NPIPB2: variants seen among roughly 807,000 people sequenced by gnomAD.
The protein encoded by NPIPB2 is nuclear pore complex interacting protein family member B2.
NPIPB2 carries 27 observed loss-of-function variants against 30.8 expected under a neutral mutation model. The ratio of observed to expected loss-of-function variants is 0.88; its 90% CI spans 0.65 to 1.21. NPIPB2 has a LOEUF of 1.21. Ranked by LOEUF, NPIPB2 falls within the 50% of genes most tolerant of loss-of-function variation. The pLI is 0.00. For missense variants in NPIPB2, 440 were observed against 446.2 expected (o/e 0.99, Z 0.13); for synonymous variants, 147 against 162.0 (o/e 0.91, Z 0.70).
intron 1 of NPIPB2, among the ~76,000 whole-genome samples, chr16:11,939,194 G>A (rs2054905961): frequency 2.0e-5 from 1 of 48,904 alleles, no homozygotes; most frequent in Non-Finnish European, 5.2e-5. Context: ...TTAAATCTCA[G>A]CATAAGTAAA....
exon 8 of NPIPB2, chr16:11,927,424 G>A: frequency 8.7e-7 from 1 of 1,151,446 alleles, no homozygotes; most frequent in Non-Finnish European, 1.3e-6. Flanking sequence ...TCCGCCTCTT[G>A]GGCTCGGGTG....
intron 1 of NPIPB2, among the ~76,000 whole-genome samples, chr16:11,950,004 A>G (rs1266852837): frequency 1.3e-5 from 2 of 152,084 alleles, no homozygotes; most frequent in Non-Finnish European, 2.9e-5. Context: ...GCAACCACAT[A>G]AGCCTTGAAT....
intron 1 of NPIPB2, among the ~76,000 whole-genome samples, chr16:11,948,334 T>C (rs577721931): frequency 1.3e-5 from 2 of 152,258 alleles, no homozygotes; most frequent in South Asian, 2.1e-4. Context: ...AAAGAGACAA[T>C]TGGTCATTGT....
At chr16:11,947,211 C>A (rs887028620) in intron 1 of NPIPB2, among the ~76,000 whole-genome samples, 1 of 147,768 alleles carries the variant, frequency 6.8e-6, no homozygotes, top group Non-Finnish European at 1.5e-5. Context: ...GCCTCAGCCT[C>A]CCAAACTGCT....
At chr16:11,937,661 T>C (rs1315518612) in exon 2 of NPIPB2, 5 of 1,598,802 alleles carry the variant, frequency 3.1e-6, no homozygotes, top group East Asian at 4.5e-5. Context: ...AGCCAGAGTA[T>C]TGATAACCTG....
intron 1 of NPIPB2, among the ~76,000 whole-genome samples, chr16:11,956,721 G>A (rs921753711): frequency 2.6e-5 from 4 of 152,170 alleles, no homozygotes; most frequent in Admixed American, 2.0e-4. Context: ...GAATGCCCAG[G>A]AGGAACACTG....
intron 1 of NPIPB2, chr16:11,967,754 C>A (rs1194599430): frequency 2.5e-6 from 4 of 1,614,096 alleles, no homozygotes; most frequent in Middle Eastern, 1.6e-4. Flanking sequence ...AAGGCGCAAC[C>A]ATTCTTGTCA....
chr16:11,949,957 T>C (rs2150926342), intron 1 of NPIPB2, among the ~76,000 whole-genome samples: 1 of 152,348 alleles, frequency 6.6e-6, no homozygotes, highest in South Asian at 2.1e-4. Context: ...AACAGGAATA[T>C]CTGGTTCTCA....
At chr16:11,937,816 AG>A in intron 1 of NPIPB2, 148 bp from the exon 2 acceptor site, 1 of 1,441,682 alleles carries the variant, frequency 6.9e-7, no homozygotes, top group Non-Finnish European at 9.2e-7. Flanking sequence ...GTTACAAAAA[AG>A]AACAGAAGTT....
At chr16:11,944,733 CAAAAAAAA>C (rs56283093), upstream of NPIPB2, among the ~76,000 whole-genome samples, 7 of 46,126 alleles carry the variant, frequency 1.5e-4, no homozygotes, top group African/African-American at 7.3e-4. Context: ...GACTCCGTGT[CAAAAAAAA>C]AAAAAAAAAA....
chr16:11,951,926 G>A lies in NPIPB2; in HGVS notation c.-583-9812C>T, dbSNP rs1323443601. On this transcript the variant is annotated intron_variant, in intron 1 of 5. Coordinates refer to the NPIPB2 transcript ENST00000538896. ...TGTAATCCCAGCACTTTGGGAGGCC[G>A]AGGCGGGCGGACCACAAGGTCAGGA... 5.1e-4 allele frequency among the ~76,000 whole-genome samples: 78 copies of A among 152,182 alleles called. 1 individual carries two copies. Among genetic ancestry groups the A allele is most frequent in the Non-Finnish European group, 2.9e-5 (2 of 67,982 alleles).
upstream of NPIPB2, among the ~76,000 whole-genome samples, chr16:11,943,815 G>A (rs2054970701): frequency 6.6e-6 from 1 of 150,780 alleles, no homozygotes. Flanking sequence ...TGGCTAACAT[G>A]GTGAAACCCC....
intron 1 of NPIPB2, chr16:11,968,809 G>T (rs946980506): frequency 6.6e-6 from 1 of 151,434 alleles, no homozygotes; most frequent in African/African-American, 2.4e-5. Context: ...ACCTCTAAAC[G>T]CTTGACTTAC....
At chr16:11,960,727 T>G (rs1345440974) in intron 1 of NPIPB2, among the ~76,000 whole-genome samples, 2 of 152,078 alleles carry the variant, frequency 1.3e-5, no homozygotes, top group Non-Finnish European at 2.9e-5. Flanking sequence ...CTGGCTTGCA[T>G]CAGGGACACA....
At position 11,934,726 on chromosome 16, in the gene NPIPB2, A is replaced by G. The variant is rs1360744384; in HGVS notation, c.193-802T>C. Among the ~76,000 whole-genome samples the G allele has an allele frequency of 5.4e-5, 8 of 147,158 alleles. No homozygotes were observed. The East Asian group carries it at 6.1e-4, about 11-fold the overall frequency. Reference sequence around the variant, plus strand: ...ATACAAAAATTAGCTGAGCATGGTGATGCACGCCTGTAGCCCCAGCTACTT... The same window carrying G: ...ATACAAAAATTAGCTGAGCATGGTGGTGCACGCCTGTAGCCCCAGCTACTT... On this transcript the variant is annotated intron_variant, in intron 2 of 7. Transcript: ENST00000399147.
At chr16:11,966,120 A>G in intron 1 of NPIPB2, 1 of 1,426,102 alleles carries the variant, frequency 7.0e-7, no homozygotes, top group Non-Finnish European at 9.5e-7. Context: ...CAAAATAAAT[A>G]AATAAATAAT....
At chr16:11,958,439 A>G (rs2055131599) in intron 1 of NPIPB2, among the ~76,000 whole-genome samples, 1 of 151,912 alleles carries the variant, frequency 6.6e-6, no homozygotes, top group African/African-American at 2.4e-5. Flanking sequence ...AAAAAAAAAA[A>G]AAATCCTAGG....
chr16:11,941,911 T>C (rs1358930034), intron 1 of NPIPB2, 72 bp downstream of exon 1: 4 of 986,128 alleles, frequency 4.1e-6, no homozygotes, highest in Non-Finnish European at 6.2e-6. Context: ...GCTCCCAGGG[T>C]TCCTCAAGGT....
intron 4 of NPIPB2, among the ~76,000 whole-genome samples, chr16:11,933,260 A>G (rs2054815396): frequency 6.6e-6 from 1 of 152,056 alleles, no homozygotes; most frequent in South Asian, 2.1e-4. Flanking sequence ...CTCAGGAAAA[A>G]AAAAAAAAGA....
Sources: allele counts gnomAD v4.1 joint callset (sites outside exome capture counted in the v4.1 genomes callset), GRCh38; gene constraint gnomAD v4.1.1; transcripts MANE v1.5; gene names NCBI Gene and HGNC (gene_info 2026-07-23, HGNC 2026-07-21).